Variants in TMEM71 observed in about 807,000 individuals in gnomAD.
The protein encoded by TMEM71 is transmembrane protein 71.
A neutral mutation model predicts 38.0 loss-of-function variants in TMEM71; 44 were observed. The observed-to-expected ratio is 1.16, with a 90% CI of 0.91 to 1.49. The LOEUF is 1.49. Among genes scored for constraint, TMEM71 ranks in the 40% most tolerant of loss-of-function variants. The probability of loss-of-function intolerance (pLI) is 0.00; values close to 1 mark genes in which losing one functional copy is unlikely to be tolerated. For missense variants in TMEM71, 367 were observed against 348.6 expected, an observed-to-expected ratio of 1.05 and a Z score of -0.42; for synonymous variants, 133 against 122.5, an observed-to-expected ratio of 1.09 and a Z score of -0.56.
chr8:132,720,325 T>C (rs545612944), intron 7 of TMEM71, among the ~76,000 whole-genome samples: 9 of 152,140 alleles, frequency 5.9e-5, no homozygotes, highest in Non-Finnish European at 1.0e-4. Context: ...CCACAAACAT[T>C]AACCTAAGAA....
chr8:132,756,617 C>T (rs576292120), intron 3 of TMEM71, among the ~76,000 whole-genome samples: 8 of 151,170 alleles, frequency 5.3e-5, no homozygotes, highest in Non-Finnish European at 8.8e-5. Flanking sequence ...TTTTGAGACT[C>T]GCTCTGTTGC....
At chr8:132,761,689 A>G (rs150052661), upstream of TMEM71, among the ~76,000 whole-genome samples, 2,185 of 152,226 alleles carry the variant, frequency 0.014, 29 homozygotes, top group Non-Finnish European at 0.024. Flanking sequence ...GAGGCTGCTG[A>G]CATGCTCCTT....
At chr8:132,734,500 CT>C (rs1827637586) in intron 5 of TMEM71, among the ~76,000 whole-genome samples, 1 of 152,144 alleles carries the variant, frequency 6.6e-6, no homozygotes, top group Non-Finnish European at 1.5e-5. Flanking sequence ...AAAAGATGTG[CT>C]GTTTCCCAGG....
intron 6 of TMEM71, among the ~76,000 whole-genome samples, chr8:132,723,414 T>C (rs1281357856): frequency 6.6e-6 from 1 of 152,176 alleles, no homozygotes; most frequent in African/African-American, 2.4e-5. Context: ...AGTTGTGTGA[T>C]TTGGGATGAA....
intron 5 of TMEM71, among the ~76,000 whole-genome samples, chr8:132,737,914 A>G (rs936227242): frequency 7.2e-5 from 11 of 151,884 alleles, no homozygotes; most frequent in Non-Finnish European, 1.3e-4. Context: ...TTACTCCTGA[A>G]CCCCCTTCTT....
At chr8:132,775,701 G>C in the TMEM71 span, 2 of 320,324 alleles carry the variant, frequency 6.2e-6, no homozygotes, top group South Asian at 1.6e-4. Flanking sequence ...CGGGCCGCCC[G>C]GGACGCCCCC....
chr8:132,715,668 T>C (rs547652899), intron 7 of TMEM71, among the ~76,000 whole-genome samples: 11 of 152,234 alleles, frequency 7.2e-5, no homozygotes, highest in African/African-American at 2.6e-4. Flanking sequence ...GGTCAAAAAC[T>C]GGAAGCAACC....
chr8:132,763,140 T>C (rs75136747), upstream of TMEM71, among the ~76,000 whole-genome samples: 284 of 152,278 alleles, frequency 1.9e-3, 2 homozygotes, highest in African/African-American at 6.4e-3. Flanking sequence ...TTTTCTCCAC[T>C]GCCTTGCTAC....
chr8:132,713,928 C>G (rs1826367479), intron 9 of TMEM71, 67 bp downstream of exon 9: 1 of 1,500,010 alleles, frequency 6.7e-7, no homozygotes, highest in Non-Finnish European at 9.2e-7. Flanking sequence ...GCAGCAGAAA[C>G]CATTCTCAGA....
At chr8:132,756,125 T>G (rs1281825741) in intron 3 of TMEM71, among the ~76,000 whole-genome samples, 1 of 151,904 alleles carries the variant, frequency 6.6e-6, no homozygotes, top group Non-Finnish European at 1.5e-5. Context: ...AAACATCAAC[T>G]GATGTCTGTA....
At chr8:132,756,420 T>TATATATATATATATA (rs1829017846) in intron 3 of TMEM71, among the ~76,000 whole-genome samples, 1 of 136,048 alleles carries the variant, frequency 7.4e-6, no homozygotes, top group Admixed American at 7.4e-5. Flanking sequence ...ATTATATATA[T>TATATATATATATATA]ATATATATAT....
intron 5 of TMEM71, among the ~76,000 whole-genome samples, chr8:132,741,778 A>C (rs1455221195): frequency 6.6e-6 from 1 of 152,064 alleles, no homozygotes; most frequent in African/African-American, 2.4e-5. Context: ...TCACAGGGAG[A>C]AGGTTAGGCC....
At chr8:132,741,953 C>T (rs1299734783) in intron 5 of TMEM71, among the ~76,000 whole-genome samples, 1 of 152,204 alleles carries the variant, frequency 6.6e-6, no homozygotes, top group Non-Finnish European at 1.5e-5. Flanking sequence ...AACCTCGGTC[C>T]ACCTGGCAAC....
chr8:132,711,099 C>A, intron 9 of TMEM71, 117 bp from the exon 10 acceptor site: 1 of 883,224 alleles, frequency 1.1e-6, no homozygotes, highest in East Asian at 2.7e-5. Context: ...CACCCATACC[C>A]ACAACGGGCC....
At chr8:132,764,259 T>C (rs891893785), upstream of TMEM71, among the ~76,000 whole-genome samples, 3 of 150,796 alleles carry the variant, frequency 2.0e-5, no homozygotes, top group Non-Finnish European at 1.5e-5. Flanking sequence ...ATAAGGTACA[T>C]TACATAATGA....
intron 6 of TMEM71, among the ~76,000 whole-genome samples, chr8:132,726,500 G>T (rs1827150260): frequency 6.6e-6 from 1 of 152,166 alleles, no homozygotes; most frequent in African/African-American, 2.4e-5. Context: ...TACTTTACAT[G>T]AGTTATTTTA....
Position 132,757,139 on chromosome 8 carries a change from G to A in TMEM71, c.101+95C>T, listed in dbSNP as rs370309657. 5.0e-4 allele frequency: 366 copies of A among 724,844 alleles called. 3 individuals carry two copies. The African/African-American group carries it at 6.1e-3, about 12-fold the overall frequency. The allele number at this position is 724,844 out of a possible 1,614,324, so 44.9% of individuals were successfully genotyped here. On this transcript the variant is annotated intron_variant, in intron 3 of 9. Coordinates refer to ENST00000677595, the MANE Select transcript of TMEM71 (RefSeq NM_001382403.1). ...TCTCCATCTCCTGACCTCGTGATCCGCCTGCCTCGGCCTCCCAAAGTGCTG... is the reference window on the plus strand; with the variant it reads ...TCTCCATCTCCTGACCTCGTGATCCACCTGCCTCGGCCTCCCAAAGTGCTG...
chr8:132,722,209 C>CAAAAA (rs34385955), intron 6 of TMEM71, 94 bp from the exon 7 acceptor site: 171 of 627,528 alleles, frequency 2.7e-4, no homozygotes, highest in East Asian at 1.1e-3. Context: ...TTGTACCCAC[C>CAAAAA]AAAAAAAAAA....
In TMEM71 at chr8:132,751,926, T is replaced by C. The variant is rs761026150; in HGVS notation, c.173A>G (p.His58Arg). 3.7e-6 allele frequency: 6 copies of C among 1,613,950 alleles called. No homozygotes were observed. In the African/African-American group the frequency reaches 5.3e-5, roughly 14 times the overall value. Residue 58 changes from histidine to arginine, a missense_variant, in exon 4 of 10, where the codon CAC (histidine) becomes CGC (arginine). Physicochemically the swap from His to Arg is conservative, Grantham distance 29 (BLOSUM62 0). Coordinates refer to ENST00000677595, the MANE Select transcript of TMEM71 (RefSeq NM_001382403.1). ...TCTGGGACTTCGGCGACAGGTATAG[T>C]GGGAGCCTGTCAGGGGATCTATGGA... Reference protein sequence around the residue: ...CGSIDPLTGSHYTCRRSPRLL... With the variant: ...CGSIDPLTGSRYTCRRSPRLL...
Sources: allele counts gnomAD v4.1 joint callset (sites outside exome capture counted in the v4.1 genomes callset), GRCh38; gene constraint gnomAD v4.1.1; transcripts MANE v1.5; gene names NCBI Gene and HGNC (gene_info 2026-07-23, HGNC 2026-07-21).